The following NEB variants were observed in gnomAD, a reference collection of about 807,000 sequenced individuals.
The protein encoded by NEB is nemaline myopathy type 2.
NEB carries 512 observed loss-of-function variants against 952.2 expected under a neutral mutation model. That is an observed-to-expected ratio of 0.54 (90% CI 0.50 to 0.58). The LOEUF (loss-of-function observed/expected upper bound fraction) is 0.58, where lower values mean the gene tolerates loss of function less well. NEB is among the 20% of genes least tolerant of loss of function. NEB has a pLI of 0.00. For missense variants in NEB, 8,428 were observed against 9,231.1 expected (o/e 0.91, Z 3.56); for synonymous variants, 2,900 against 3,149.8 (o/e 0.92, Z 2.66).
At position 151,613,600 on chromosome 2, in the gene NEB, T is replaced by C. The variant is rs78427369; in HGVS notation, c.11601+676A>G. On this transcript the variant is annotated intron_variant, in intron 77 of 181. Coordinates refer to ENST00000397345, the MANE Select transcript of NEB (RefSeq NM_001164508.2). ...TTTTATGTCCTATTATAGTTTGATA[T>C]AGTTTGGCTCTGCATCTTCATCCAG... 4.9e-3 allele frequency among the ~76,000 whole-genome samples: 748 copies of C among 152,352 alleles called. 5 individuals are homozygous for C. Among genetic ancestry groups the C allele is most frequent in the African/African-American group, 0.016 (685 of 41,582 alleles).
chr2:151,710,493 T>C lies in NEB; in HGVS notation c.868A>G (p.Ser290Gly). 2 of 1,611,168 alleles carry C rather than the reference T, an allele frequency of 1.2e-6. No individual in the cohort carries two copies. The highest frequency in any genetic ancestry group is 1.7e-6 in the Non-Finnish European group (2 of 1,178,012). ...DYENKIKGKW[S>G]ETPCFEVANA... ...GCAACTTCAAAGCAAGGTGTCTCAC[T>C]CCATTTGCCTTTGATTTTATTTTCA... is the stretch of plus-strand genomic sequence containing the variant. The change falls in exon 11 of 182, where the codon AGT becomes GGT. Residue 290 changes from serine (S) to glycine (G), a missense_variant. By Grantham distance (56) the Ser-to-Gly change is moderately conservative (BLOSUM62 0). Coordinates refer to ENST00000397345, the MANE Select transcript of NEB (RefSeq NM_001164508.2).
intron 27 of NEB, among the ~76,000 whole-genome samples, chr2:151,685,674 A>G (rs1329212413): frequency 6.6e-6 from 1 of 151,826 alleles, no homozygotes; most frequent in Admixed American, 6.6e-5. Flanking sequence ...GGCCTCAAGG[A>G]CTCCCTTCAT....
chr2:151,663,647 G>A lies in NEB; in HGVS notation c.5664C>T (p.Ala1888=). The stretch of plus-strand genomic sequence containing the variant: ...TCACGTTCCTGTAGTTGGCATTGGT[G>A]GCCACTTCCTGAGACTTCTTGGCTG... ...VVAAKKSQEV[A]TNANYRNVIH... The change falls in exon 45 of 182, where the codon GCC becomes GCT. Residue 1888 remains alanine (A), a synonymous_variant. Transcript: ENST00000397345. The A allele has an allele frequency of 6.2e-7, 1 of 1,613,764 alleles. No individual in the cohort carries two copies. Among genetic ancestry groups the A allele is most frequent in the South Asian group, 1.1e-5 (1 of 91,076 alleles).
intron 153 of NEB, among the ~76,000 whole-genome samples, chr2:151,521,975 A>G (rs973652071): frequency 1.3e-5 from 2 of 152,196 alleles, no homozygotes; most frequent in Admixed American, 1.3e-4. Context: ...GTAATGTAGT[A>G]AAACTACATA....
At chr2:151,500,241 T>C (rs1360405348) in intron 168 of NEB, among the ~76,000 whole-genome samples, 2 of 152,108 alleles carry the variant, frequency 1.3e-5, no homozygotes, top group African/African-American at 2.4e-5. Flanking sequence ...AAGTTACTGA[T>C]CTAATTATGT....
At position 151,490,396 on chromosome 2, in the gene NEB, C is replaced by G. The variant is rs745909054; in HGVS notation, c.25273G>C (p.Gly8425Arg). 1 of 1,592,458 alleles carries G rather than the reference C, an allele frequency of 6.3e-7. No individual in the cohort carries two copies. Among genetic ancestry groups the G allele is most frequent in the East Asian group, 2.3e-5 (1 of 43,722 alleles). Residue 8425 changes from glycine to arginine, a missense_variant, in exon 180 of 182, where the codon GGG (glycine) becomes CGG (arginine). This residue lies in a region of NEB where 3,374 missense variants were observed against 3,651.5 expected (regional missense o/e 0.92). Coordinates refer to ENST00000397345, the MANE Select transcript of NEB (RefSeq NM_001164508.2). ...CCTGTTGAGACTGCAAAGACACCCC[C>G]GTCGCTGTAAGTCGAAAGGTGGTGG... ...PDHHLSTYSDGGVFAVSTAYK... is the reference protein window; with the variant it reads ...PDHHLSTYSDRGVFAVSTAYK...
intron 39 of NEB, among the ~76,000 whole-genome samples, chr2:151,668,662 T>A (rs1185736913): frequency 6.6e-6 from 1 of 152,176 alleles, no homozygotes; most frequent in Non-Finnish European, 1.5e-5. Flanking sequence ...AAAACTAAAC[T>A]TTTTTGGATG....
chr2:151,694,583 T>C lies in NEB; in HGVS notation c.1721A>G (p.Asp574Gly). ...DWEKSKAKKF[D>G]IKVDAIPLLA... ...CAGGGGAATGGCATCCACTTTAATG[T>C]CAAACTTTTTGGCTTTGCTCTTCTC... is the stretch of plus-strand genomic sequence containing the variant. Residue 574 changes from aspartate to glycine, a missense_variant, in exon 19 of 182, where the codon GAC becomes GGC. Transcript: ENST00000397345. 1.9e-6 allele frequency: 3 copies of C among 1,606,286 alleles called. No homozygotes were observed. The highest frequency in any genetic ancestry group is 2.6e-6 in the Non-Finnish European group (3 of 1,175,624).
At chr2:151,557,689 C>T (rs752095965) in intron 124 of NEB, among the ~76,000 whole-genome samples, 1 of 152,210 alleles carries the variant, frequency 6.6e-6, no homozygotes, top group South Asian at 2.1e-4. Context: ...TCAGCTTCAT[C>T]ACTGGGATGC....
intron 9 of NEB, among the ~76,000 whole-genome samples, chr2:151,718,999 C>T (rs1360253112): frequency 6.6e-6 from 1 of 152,130 alleles, no homozygotes; most frequent in African/African-American, 2.4e-5. Context: ...CCGCTGTTTC[C>T]TCTCCATGGC....
Position 151,537,983 on chromosome 2 carries a change from T to TA in NEB, c.20998-8dup, listed in dbSNP as rs1269728736. 2.5e-6 allele frequency: 4 copies of TA among 1,607,122 alleles called. No individual in the cohort carries two copies. Among genetic ancestry groups the TA allele is most frequent in the Middle Eastern group, 1.6e-4 (1 of 6,062 alleles). On this transcript the variant is annotated splice_polypyrimidine_tract_variant and splice_region_variant and intron_variant, in intron 139 of 181. Transcript: ENST00000397345. ...AGTTCTCCTTGTATTTTATCTGTTATAAAAAACACAAAGACAGCTGTAAGT... is the reference window on the plus strand; with the variant it reads ...AGTTCTCCTTGTATTTTATCTGTTATAAAAAAACACAAAGACAGCTGTAAGT...
intron 178 of NEB, 142 bp downstream of exon 178, chr2:151,491,956 A>C: frequency 9.6e-7 from 1 of 1,042,118 alleles, no homozygotes; most frequent in Non-Finnish European, 1.4e-6. Context: ...TTTGTAAACT[A>C]TGAGATAATA....
intron 25 of NEB, 94 bp from the exon 26 acceptor site, chr2:151,687,827 CTT>C: frequency 9.3e-7 from 1 of 1,077,440 alleles, no homozygotes. Context: ...TATGTATAGA[CTT>C]ATTTCTCCTA....
At chr2:151,516,112 A>G (rs773932381) in intron 157 of NEB, among the ~76,000 whole-genome samples, 1 of 152,236 alleles carries the variant, frequency 6.6e-6, no homozygotes, top group Non-Finnish European at 1.5e-5. Context: ...CTAAGAGTAG[A>G]GCATTTCAAA....
At position 151,581,592 on chromosome 2, in the gene NEB, G is replaced by A; in HGVS notation, c.16180-5C>T. ...CCAGGCATCGCGATACAATGGCTGG[G>A]AAAAATGAAAAACGATGGAATGGTC... On this transcript the variant is annotated splice_polypyrimidine_tract_variant and splice_region_variant and intron_variant, in intron 102 of 181. Transcript: ENST00000397345. 1.6e-6 allele frequency: 1 copy of A among 642,358 alleles called. No homozygotes were observed. Among genetic ancestry groups the A allele is most frequent in the Middle Eastern group, 4.2e-4 (1 of 2,404 alleles). The allele number at this position is 642,358 out of a possible 1,614,324, so 39.8% of individuals were successfully genotyped here.
In NEB at chr2:151,612,429, T is replaced by C. The variant is rs181179297; in HGVS notation, c.11602-40A>G. On this transcript the variant is annotated intron_variant, in intron 77 of 181. Transcript: ENST00000397345. ...ATGTCAAATATTTATAGATGTCACC[T>C]AGACGGCCTGGTGCCTGATCCTGAT... 5.1e-6 allele frequency: 8 copies of C among 1,557,916 alleles called. No individual in the cohort carries two copies. The East Asian group carries it at 1.8e-4, about 35-fold the overall frequency.
chr2:151,673,521 T>A (rs150188635), intron 36 of NEB, among the ~76,000 whole-genome samples: 4 of 152,040 alleles, frequency 2.6e-5, no homozygotes, highest in African/African-American at 9.6e-5. Flanking sequence ...TTCATAGTGA[T>A]GTGCATTGTG....
Position 151,567,331 on chromosome 2 carries a change from G to T in NEB, c.17993C>A (p.Ala5998Asp), listed in dbSNP as rs1275700138. Reference protein sequence around the residue: ...LYKEDYHKTKAKINIPADMVS... With the variant: ...LYKEDYHKTKDKINIPADMVS... ...CATATCAGCAGGTATATTGATTTTG[G>T]CCTTTGTTTTGTGATAGTCCTCTTT... The change falls in exon 114 of 182, where the codon GCC becomes GAC. Residue 5998 changes from alanine to aspartate, a missense_variant. Physicochemically the swap from Ala to Asp is moderately radical, Grantham distance 126. This residue lies in a region of NEB where 3,374 missense variants were observed against 3,651.5 expected (regional missense o/e 0.92). Transcript: ENST00000397345. 1 of 1,613,852 alleles carries T rather than the reference G, an allele frequency of 6.2e-7. No homozygotes were observed. Among genetic ancestry groups the T allele is most frequent in the South Asian group, 1.1e-5 (1 of 91,066 alleles).
intron 146 of NEB, 40 bp downstream of exon 146, chr2:151,529,170 T>C (rs2088790390): frequency 2.2e-6 from 3 of 1,367,786 alleles, no homozygotes; most frequent in Non-Finnish European, 3.1e-6. Flanking sequence ...CAGAAGCTGG[T>C]AAATCCCCCA....
Sources: allele counts gnomAD v4.1 joint callset (sites outside exome capture counted in the v4.1 genomes callset), GRCh38; gene constraint gnomAD v4.1.1; regional missense constraint gnomAD v4.1.1; transcripts MANE v1.5; gene names NCBI Gene and HGNC (gene_info 2026-07-23, HGNC 2026-07-21).